Variants in EXOC6B observed in about 807,000 individuals in gnomAD.
The protein encoded by EXOC6B is exocyst complex component 6B, also known as SEC15 homolog B.
EXOC6B carries 54 observed loss-of-function variants against 113.5 expected under a neutral mutation model. The ratio of observed to expected loss-of-function variants is 0.48; its 90% CI spans 0.38 to 0.60. EXOC6B has a LOEUF of 0.60. Ranked by LOEUF, EXOC6B falls within the 20% of genes least tolerant of loss-of-function variation. The probability of loss-of-function intolerance (pLI) is 0.00; values close to 1 mark genes in which losing one functional copy is unlikely to be tolerated. For missense variants in EXOC6B, 797 were observed against 977.5 expected (o/e 0.82, Z 2.46); for synonymous variants, 357 against 339.0 (o/e 1.05, Z -0.58).
intron 19 of EXOC6B, among the ~76,000 whole-genome samples, chr2:72,354,447 T>C (rs10186080): frequency 0.11 from 17,441 of 152,208 alleles, 1,070 homozygotes; most frequent in African/African-American, 0.16. Flanking sequence ...TAGAGCAGCA[T>C]GATCCATCTC....
intron 18 of EXOC6B, among the ~76,000 whole-genome samples, chr2:72,410,372 G>C (rs1399178729): frequency 1.3e-5 from 2 of 150,970 alleles, no homozygotes; most frequent in Non-Finnish European, 2.9e-5. Flanking sequence ...TGTGTGGTCT[G>C]TTTCATCTGA....
At chr2:72,456,457 G>A (rs1232052112) in intron 18 of EXOC6B, among the ~76,000 whole-genome samples, 1 of 152,128 alleles carries the variant, frequency 6.6e-6, no homozygotes, top group African/African-American at 2.4e-5. Context: ...GCAAGCTGCT[G>A]CACTATACAC....
At chr2:72,605,837 G>A (rs1224138846) in intron 6 of EXOC6B, among the ~76,000 whole-genome samples, 1 of 151,978 alleles carries the variant, frequency 6.6e-6, no homozygotes, top group Non-Finnish European at 1.5e-5. Flanking sequence ...AACCTTCTTT[G>A]TAACTGAATT....
chr2:72,709,894 A>T (rs960494918), intron 6 of EXOC6B, among the ~76,000 whole-genome samples: 3 of 152,202 alleles, frequency 2.0e-5, no homozygotes, highest in African/African-American at 7.2e-5. Context: ...ATTTGTTAAC[A>T]TTGAAATCTG....
chr2:72,594,573 G>C lies in EXOC6B; in HGVS notation c.670-18905C>G, dbSNP rs955220169. ...AAAGAAAGACAATTATATATGTTTG[G>C]AGAAAGTGTTTTGATACAAACAACC... On this transcript the variant is annotated intron_variant, in intron 6 of 21. Transcript: ENST00000272427. 2.6e-5 allele frequency among the ~76,000 whole-genome samples: 4 copies of C among 152,262 alleles called. No homozygotes were observed. In the South Asian group the frequency reaches 8.3e-4, roughly 32 times the overall value.
intron 18 of EXOC6B, among the ~76,000 whole-genome samples, chr2:72,436,309 T>C (rs547268064): frequency 6.6e-6 from 1 of 152,276 alleles, no homozygotes; most frequent in Admixed American, 6.5e-5. Context: ...AACCTGACCT[T>C]TCTCTCTGTC....
chr2:72,494,728 A>T (rs1239159659), intron 15 of EXOC6B, among the ~76,000 whole-genome samples: 1 of 152,186 alleles, frequency 6.6e-6, no homozygotes, highest in Non-Finnish European at 1.5e-5. Flanking sequence ...TTGCTCCAGC[A>T]CTTATTAATT....
chr2:72,248,806 G>A (rs1037617815), intron 20 of EXOC6B, among the ~76,000 whole-genome samples: 5 of 151,998 alleles, frequency 3.3e-5, no homozygotes, highest in African/African-American at 1.2e-4. Flanking sequence ...AGACAAAACA[G>A]AAAAAGAATA....
intron 17 of EXOC6B, among the ~76,000 whole-genome samples, chr2:72,470,402 G>C (rs1050446330): frequency 6.6e-6 from 1 of 152,050 alleles, no homozygotes; most frequent in Non-Finnish European, 1.5e-5. Context: ...AGAATAAAAA[G>C]GCTACTGATT....
chr2:72,801,711 T>C (rs1362050649), intron 1 of EXOC6B, among the ~76,000 whole-genome samples: 1 of 152,240 alleles, frequency 6.6e-6, no homozygotes, highest in Admixed American at 6.5e-5. Context: ...GAAGGGGTAC[T>C]GTAGAACTAA....
chr2:72,801,384 CAATT>C (rs1391586978), intron 1 of EXOC6B, among the ~76,000 whole-genome samples: 3 of 151,996 alleles, frequency 2.0e-5, no homozygotes, highest in African/African-American at 7.2e-5. Context: ...AATGTAGAGA[CAATT>C]AACAAAATGA....
intron 18 of EXOC6B, among the ~76,000 whole-genome samples, chr2:72,421,248 T>C (rs1474015986): frequency 6.6e-6 from 1 of 152,218 alleles, no homozygotes; most frequent in Non-Finnish European, 1.5e-5. Context: ...ATATACTAAA[T>C]TCCCAAATAG....
At chr2:72,293,594 T>C (rs1685942714) in intron 20 of EXOC6B, among the ~76,000 whole-genome samples, 2 of 152,126 alleles carry the variant, frequency 1.3e-5, no homozygotes, top group Non-Finnish European at 2.9e-5. Context: ...CACTCAAAAA[T>C]AGGGCTAATA....
intron 20 of EXOC6B, among the ~76,000 whole-genome samples, chr2:72,196,852 T>G (rs1679205012): frequency 6.6e-6 from 1 of 152,314 alleles, no homozygotes; most frequent in African/African-American, 2.4e-5. Flanking sequence ...ACTTTGGACA[T>G]AAGTGGGATT....
chr2:72,791,350 C>T (rs1684664704), intron 1 of EXOC6B, among the ~76,000 whole-genome samples: 1 of 152,108 alleles, frequency 6.6e-6, no homozygotes, highest in Admixed American at 6.5e-5. Context: ...TCAAGCCCAG[C>T]CTGGGCAACA....
chr2:72,200,650 G>A (rs986879174), intron 20 of EXOC6B, among the ~76,000 whole-genome samples: 2 of 152,150 alleles, frequency 1.3e-5, no homozygotes, highest in African/African-American at 4.8e-5. Context: ...ATTCATTACA[G>A]CAAAGCTACC....
chr2:72,660,487 C>T (rs1047959241), intron 6 of EXOC6B, among the ~76,000 whole-genome samples: 6 of 152,170 alleles, frequency 3.9e-5, no homozygotes, highest in African/African-American at 7.2e-5. Context: ...CCTAACAAAA[C>T]TTTGTCTCCA....
At chr2:72,442,238 G>T (rs1018055298) in intron 18 of EXOC6B, among the ~76,000 whole-genome samples, 1 of 152,098 alleles carries the variant, frequency 6.6e-6, no homozygotes, top group African/African-American at 2.4e-5. Flanking sequence ...ACTAGGTATT[G>T]AAGGAAGATA....
intron 18 of EXOC6B, among the ~76,000 whole-genome samples, chr2:72,395,336 A>G (rs1308661436): frequency 1.3e-5 from 2 of 152,062 alleles, no homozygotes; most frequent in Non-Finnish European, 2.9e-5. Flanking sequence ...TTCCACATAC[A>G]ACTTATTACT....
Sources: allele counts gnomAD v4.1 joint callset (sites outside exome capture counted in the v4.1 genomes callset), GRCh38; gene constraint gnomAD v4.1.1; transcripts MANE v1.5; gene names NCBI Gene and HGNC (gene_info 2026-07-23, HGNC 2026-07-21).